FAF1: variants seen among roughly 807,000 people sequenced by gnomAD.
The protein encoded by FAF1 is FAS-associated factor 1.
Under a neutral mutation model 92.5 loss-of-function variants are expected in FAF1, and 25 were observed. That is an observed-to-expected ratio of 0.27 (90% CI 0.20 to 0.38). The LOEUF (loss-of-function observed/expected upper bound fraction) is 0.38, where lower values mean the gene tolerates loss of function less well. FAF1 is among the 10% of genes least tolerant of loss of function. The pLI is 1.00. For synonymous variants in FAF1, 234 were observed against 273.2 expected (o/e 0.86, Z 1.42); for missense variants, 636 against 793.3 (o/e 0.80, Z 2.38).
intron 7 of FAF1, among the ~76,000 whole-genome samples, chr1:50,703,795 T>G (rs756830281): frequency 1.3e-5 from 2 of 152,180 alleles, no homozygotes; most frequent in African/African-American, 2.4e-5. Context: ...TTCAGCCAAC[T>G]GTGGCACACA....
chr1:50,739,408 A>G (rs900797130), intron 5 of FAF1, among the ~76,000 whole-genome samples: 2 of 116,238 alleles, frequency 1.7e-5, no homozygotes, highest in Non-Finnish European at 3.6e-5. Flanking sequence ...GTGTATGTGT[A>G]TACATGTGAG....
chr1:50,818,129 A>C (rs1275060763), intron 2 of FAF1, among the ~76,000 whole-genome samples: 2 of 152,226 alleles, frequency 1.3e-5, no homozygotes, highest in Admixed American at 6.5e-5. Context: ...TTTACAGTGG[A>C]AATGAGTTTA....
At chr1:50,516,433 T>C (rs977790912) in intron 15 of FAF1, among the ~76,000 whole-genome samples, 1 of 152,140 alleles carries the variant, frequency 6.6e-6, no homozygotes, top group Non-Finnish European at 1.5e-5. Context: ...GTAGAAACCA[T>C]ATTACCCTGT....
chr1:50,726,504 G>A (rs1208629624), intron 6 of FAF1, among the ~76,000 whole-genome samples: 1 of 151,938 alleles, frequency 6.6e-6, no homozygotes, highest in East Asian at 1.9e-4. Flanking sequence ...AGACCATCCT[G>A]GCTAACACGG....
At chr1:50,673,215 G>A (rs1279725924) in intron 7 of FAF1, among the ~76,000 whole-genome samples, 1 of 151,522 alleles carries the variant, frequency 6.6e-6, no homozygotes, top group Non-Finnish European at 1.5e-5. Flanking sequence ...CCAAGATCGT[G>A]CCACTGCACT....
chr1:50,489,314 G>C (rs1205564289), intron 17 of FAF1, among the ~76,000 whole-genome samples: 1 of 152,240 alleles, frequency 6.6e-6, no homozygotes, highest in African/African-American at 2.4e-5. Flanking sequence ...CTTTGACTGA[G>C]AGTAATAACT....
intron 1 of FAF1, among the ~76,000 whole-genome samples, chr1:50,926,153 A>G (rs1417993424): frequency 6.6e-6 from 1 of 152,100 alleles, no homozygotes; most frequent in African/African-American, 2.4e-5. Context: ...AGAGTTTAAC[A>G]TTACTGAAGC....
intron 14 of FAF1, among the ~76,000 whole-genome samples, chr1:50,538,722 C>T (rs953669477): frequency 4.6e-5 from 7 of 152,100 alleles, no homozygotes; most frequent in Non-Finnish European, 1.0e-4. Context: ...CTTCATTATC[C>T]ATTTACCCTA....
intron 4 of FAF1, among the ~76,000 whole-genome samples, chr1:50,759,041 A>T (rs1030638698): frequency 6.6e-6 from 1 of 151,872 alleles, no homozygotes; most frequent in African/African-American, 2.4e-5. Flanking sequence ...ACGGGGTTTC[A>T]CTGTGTTAGC....
chr1:50,637,292 A>T (rs1034172783), intron 8 of FAF1, among the ~76,000 whole-genome samples: 29 of 150,730 alleles, frequency 1.9e-4, no homozygotes, highest in Admixed American at 1.7e-3. Context: ...AAAAAAAAAA[A>T]AAATACAAAA....
At chr1:50,887,470 G>A (rs143802123) in intron 1 of FAF1, among the ~76,000 whole-genome samples, 11 of 152,286 alleles carry the variant, frequency 7.2e-5, no homozygotes, top group African/African-American at 2.4e-4. Flanking sequence ...AGCCTGAATG[G>A]TATTGCCTAC....
chr1:50,697,796 A>T (rs998768296), intron 7 of FAF1, among the ~76,000 whole-genome samples: 8 of 152,320 alleles, frequency 5.3e-5, no homozygotes, highest in African/African-American at 1.4e-4. Flanking sequence ...CTAAAAAAAA[A>T]GTTTTTCAAA....
At chr1:50,825,687 G>C (rs888525963) in intron 2 of FAF1, among the ~76,000 whole-genome samples, 5 of 151,934 alleles carry the variant, frequency 3.3e-5, no homozygotes, top group Admixed American at 3.3e-4. Context: ...TAATAACAAA[G>C]ATAACTGGAT....
intron 1 of FAF1, among the ~76,000 whole-genome samples, chr1:50,951,126 C>A (rs892575220): frequency 6.6e-6 from 1 of 152,198 alleles, no homozygotes; most frequent in African/African-American, 2.4e-5. Context: ...CCCAGCTACT[C>A]AGGAGGCTAA....
At chr1:50,731,940 T>G (rs1658941552) in intron 6 of FAF1, among the ~76,000 whole-genome samples, 1 of 152,274 alleles carries the variant, frequency 6.6e-6, no homozygotes, top group African/African-American at 2.4e-5. Flanking sequence ...GTCAATATGA[T>G]AGTGATTCTT....
chr1:50,724,284 C>CACACACACACAT, intron 6 of FAF1, among the ~76,000 whole-genome samples: 1 of 123,520 alleles, frequency 8.1e-6, no homozygotes, highest in Non-Finnish European at 1.6e-5. Context: ...TATACACACA[C>CACACACACACAT]ACACACACAC....
At chr1:50,867,245 T>C (rs777581942) in intron 1 of FAF1, among the ~76,000 whole-genome samples, 13 of 152,144 alleles carry the variant, frequency 8.5e-5, no homozygotes, top group East Asian at 1.9e-4. Flanking sequence ...GAAGATAACA[T>C]TGGAAAAACT....
At chr1:50,908,953 CA>C (rs1287014262) in intron 1 of FAF1, among the ~76,000 whole-genome samples, 10 of 152,178 alleles carry the variant, frequency 6.6e-5, no homozygotes, top group African/African-American at 2.4e-4. Context: ...TTAGTTGATG[CA>C]GTTTCTTCCT....
rs553222058 is a variant in FAF1 at position 50,647,130 on chromosome 1, T to C, written c.744+8312A>G. The stretch of plus-strand genomic sequence containing the variant: ...TCCCAAACCGCTGGGAGTATAGGCA[T>C]GAGCCACCATGCCCAGCCTAGGGCT... On this transcript the variant is annotated intron_variant, in intron 8 of 18. Transcript: ENST00000396153. 8.0e-3 allele frequency among the ~76,000 whole-genome samples: 1,214 copies of C among 152,326 alleles called. 13 individuals carry two copies. The highest frequency in any genetic ancestry group is 0.028 in the African/African-American group (1,145 of 41,586).
Sources: allele counts gnomAD v4.1 joint callset (sites outside exome capture counted in the v4.1 genomes callset), GRCh38; gene constraint gnomAD v4.1.1; transcripts MANE v1.5; gene names NCBI Gene and HGNC (gene_info 2026-07-23, HGNC 2026-07-21).